The following RAD51B variants were observed in gnomAD, a reference collection of about 807,000 sequenced individuals.
RAD51B encodes RAD51 paralog B, also known as DNA repair protein RAD51 homolog 2.
Under a neutral mutation model 42.2 loss-of-function variants are expected in RAD51B, and 38 were observed. The observed-to-expected ratio is 0.90, with a 90% CI of 0.70 to 1.18. RAD51B has a LOEUF of 1.18. Ranked by LOEUF, RAD51B falls within the 50% of genes most tolerant of loss-of-function variation. The pLI, the probability that RAD51B is intolerant of heterozygous loss-of-function variation, is 0.00. For synonymous variants in RAD51B, 154 were observed against 145.2 expected (o/e 1.06, Z -0.43); for missense variants, 373 against 400.7 (o/e 0.93, Z 0.59).
rs150871768 is a variant in RAD51B at position 68,126,434 on chromosome 14, T to C, written c.757-165450T>C. 7.9e-5 allele frequency among the ~76,000 whole-genome samples: 12 copies of C among 152,286 alleles called. No homozygotes were observed. In the South Asian group the frequency reaches 1.2e-3, roughly 16 times the overall value. On this transcript the variant is annotated intron_variant, in intron 7 of 10. Coordinates refer to ENST00000471583, the MANE Select transcript of RAD51B (RefSeq NM_133510.4). ...ATTCAAGTCCTCCAGTCCTAAGTCG[T>C]TGTCAGCAAAGATTGGAAGCAGCAG...
chr14:67,972,913 C>T (rs1032047741), intron 7 of RAD51B, among the ~76,000 whole-genome samples: 1 of 152,106 alleles, frequency 6.6e-6, no homozygotes, highest in South Asian at 2.1e-4. Context: ...AAGCTGAACT[C>T]TTTTCCTAAA....
intron 8 of RAD51B, among the ~76,000 whole-genome samples, chr14:68,329,388 A>G (rs1052622598): frequency 2.0e-5 from 3 of 152,236 alleles, no homozygotes; most frequent in Non-Finnish European, 2.9e-5. Flanking sequence ...TGAGAATTCA[A>G]CAACTTCTGG....
intron 5 of RAD51B, among the ~76,000 whole-genome samples, chr14:67,881,788 G>A (rs1005734269): frequency 2.0e-5 from 3 of 152,160 alleles, no homozygotes; most frequent in Non-Finnish European, 2.9e-5. Flanking sequence ...TGCAATTCAT[G>A]TACCAGTTAA....
At position 67,847,886 on chromosome 14, in the gene RAD51B, G is replaced by GC. The variant is rs111532396; in HGVS notation, c.315+12699dup. On this transcript the variant is annotated intron_variant, in intron 4 of 10. Coordinates refer to ENST00000471583, the MANE Select transcript of RAD51B (RefSeq NM_133510.4). ...CTGTCACTGTCAGTGGGGTGTTGAA[G>GC]CCCCCCCCCATTTTTGTGTGGTTGT... Among the ~76,000 whole-genome samples, 170 of 151,492 alleles carry GC rather than the reference G, an allele frequency of 1.1e-3. 1 individual carries two copies. Among genetic ancestry groups the GC allele is most frequent in the East Asian group, 3.1e-3 (16 of 5,132 alleles).
chr14:67,981,226 A>G (rs2075086479), intron 7 of RAD51B, among the ~76,000 whole-genome samples: 1 of 152,144 alleles, frequency 6.6e-6, no homozygotes, highest in Non-Finnish European at 1.5e-5. Flanking sequence ...CACATCAAAT[A>G]TTACTTCCTT....
chr14:67,879,242 T>G (rs2042828920), intron 5 of RAD51B, among the ~76,000 whole-genome samples: 1 of 152,250 alleles, frequency 6.6e-6, no homozygotes, highest in South Asian at 2.1e-4. Context: ...GCTCTGCTGT[T>G]AAGGCTTTTC....
intron 7 of RAD51B, among the ~76,000 whole-genome samples, chr14:68,176,683 A>T (rs1172291358): frequency 7.2e-5 from 11 of 152,180 alleles, no homozygotes; most frequent in Non-Finnish European, 1.6e-4. Context: ...TATATTGAAG[A>T]CTTCTGAGCA....
chr14:68,229,835 G>A (rs1351276981), intron 7 of RAD51B, among the ~76,000 whole-genome samples: 1 of 152,162 alleles, frequency 6.6e-6, no homozygotes, highest in East Asian at 1.9e-4. Context: ...TTCAATTTAG[G>A]GGACAGGATC....
At chr14:68,268,641 A>T (rs1466032916) in intron 7 of RAD51B, among the ~76,000 whole-genome samples, 2 of 152,202 alleles carry the variant, frequency 1.3e-5, no homozygotes. Context: ...TCTATCTCTA[A>T]ATATCTACAT....
Position 67,940,668 on chromosome 14 carries a change from G to A in RAD51B, c.756+53464G>A, listed in dbSNP as rs34717397. On this transcript the variant is annotated intron_variant, in intron 7 of 10. Coordinates refer to ENST00000471583, the MANE Select transcript of RAD51B (RefSeq NM_133510.4). ...ATATAAGTTCTCATTACCTCAGTGTGTGTGTTTGTATCTGTATTTAATGAT... is the reference window on the plus strand; with the variant it reads ...ATATAAGTTCTCATTACCTCAGTGTATGTGTTTGTATCTGTATTTAATGAT... Among the ~76,000 whole-genome samples, 1,256 of 152,118 alleles carry A rather than the reference G, an allele frequency of 8.3e-3. 20 individuals carry two copies. Among genetic ancestry groups the A allele is most frequent in the African/African-American group, 0.029 (1,209 of 41,504 alleles).
intron 7 of RAD51B, among the ~76,000 whole-genome samples, chr14:68,072,856 G>T (rs2076775251): frequency 6.6e-6 from 1 of 152,112 alleles, no homozygotes; most frequent in Non-Finnish European, 1.5e-5. Flanking sequence ...AGATTTTCTT[G>T]GTATTGGTTT....
chr14:68,582,144 C>T (rs1021916908), intron 10 of RAD51B, among the ~76,000 whole-genome samples: 2 of 152,128 alleles, frequency 1.3e-5, no homozygotes, highest in African/African-American at 2.4e-5. Flanking sequence ...CAACAAAAGT[C>T]AAAATTGACA....
At chr14:68,391,252 T>G (rs939638979) in intron 8 of RAD51B, among the ~76,000 whole-genome samples, 2 of 151,950 alleles carry the variant, frequency 1.3e-5, no homozygotes, top group African/African-American at 4.8e-5. Context: ...CCTTAACCCC[T>G]GCTTTTTAAA....
intron 7 of RAD51B, among the ~76,000 whole-genome samples, chr14:68,006,712 A>G (rs1283342088): frequency 6.6e-6 from 1 of 152,172 alleles, no homozygotes; most frequent in Admixed American, 6.5e-5. Flanking sequence ...TTTTATTGAT[A>G]GGAATTTGAA....
chr14:68,069,142 CT>C (rs926782218), intron 7 of RAD51B, among the ~76,000 whole-genome samples: 4 of 152,090 alleles, frequency 2.6e-5, no homozygotes, highest in African/African-American at 9.7e-5. Flanking sequence ...ATGAGAATTG[CT>C]CTTTCTTTTT....
intron 7 of RAD51B, among the ~76,000 whole-genome samples, chr14:68,077,928 C>T (rs1026796177): frequency 2.6e-5 from 4 of 152,118 alleles, no homozygotes; most frequent in African/African-American, 9.7e-5. Context: ...TGCACTCCAT[C>T]CTGGGTGACA....
intron 8 of RAD51B, among the ~76,000 whole-genome samples, chr14:68,302,959 T>C (rs2081776869): frequency 1.3e-5 from 2 of 152,236 alleles, no homozygotes; most frequent in South Asian, 4.1e-4. Context: ...TGCAGAGATT[T>C]TATTTATGGC....
At chr14:68,586,074 C>G (rs1410891741) in intron 10 of RAD51B, among the ~76,000 whole-genome samples, 1 of 144,338 alleles carries the variant, frequency 6.9e-6, no homozygotes, top group Non-Finnish European at 1.5e-5. Context: ...CTCCCTTACC[C>G]CCATCACCTC....
intron 5 of RAD51B, among the ~76,000 whole-genome samples, chr14:67,881,176 T>A (rs2042895016): frequency 6.6e-6 from 1 of 152,230 alleles, no homozygotes; most frequent in South Asian, 2.1e-4. Context: ...GGACCACTGT[T>A]GTATAAGTGA....
Sources: allele counts gnomAD v4.1 joint callset (sites outside exome capture counted in the v4.1 genomes callset), GRCh38; gene constraint gnomAD v4.1.1; transcripts MANE v1.5; gene names NCBI Gene and HGNC (gene_info 2026-07-23, HGNC 2026-07-21).